Variants in SGCD observed in about 807,000 individuals in gnomAD.
SGCD encodes delta-sarcoglycan.
SGCD carries 18 observed loss-of-function variants against 36.6 expected under a neutral mutation model. That is an observed-to-expected ratio of 0.49 (90% CI 0.34 to 0.73). SGCD has a LOEUF of 0.73. Ranked by LOEUF, SGCD falls within the 30% of genes least tolerant of loss-of-function variation. The pLI, the probability that SGCD is intolerant of heterozygous loss-of-function variation, is 0.01. For synonymous variants in SGCD, 133 were observed against 130.6 expected (o/e 1.02, Z -0.12); for missense variants, 387 against 346.7 (o/e 1.12, Z -0.92).
intron 3 of SGCD, among the ~76,000 whole-genome samples, chr5:156,503,607 G>A (rs1236599262): frequency 1.3e-5 from 2 of 152,154 alleles, no homozygotes; most frequent in Admixed American, 6.6e-5. Context: ...CGAATGTAAA[G>A]TCTGAATTGG....
intron 3 of SGCD, among the ~76,000 whole-genome samples, chr5:156,168,101 T>C (rs1763255623): frequency 6.6e-6 from 1 of 152,238 alleles, no homozygotes; most frequent in African/African-American, 2.4e-5. Flanking sequence ...ACTTCAACCA[T>C]TTAACAGAGT....
chr5:156,527,932 G>T (rs375073189), intron 4 of SGCD, among the ~76,000 whole-genome samples: 1 of 152,158 alleles, frequency 6.6e-6, no homozygotes, highest in African/African-American at 2.4e-5. Context: ...CCATTTTCTC[G>T]TGAAGACCTT....
chr5:156,053,840 A>G lies in SGCD; in HGVS notation c.-281-64038A>G, dbSNP rs1193950410. The stretch of plus-strand genomic sequence containing the variant: ...CAAAGTTCAAAATCAAGATGCTGGC[A>G]GATTCAATATCTGGTGAGTGCCATT... On this transcript the variant is annotated intron_variant, in intron 1 of 9. Transcript: ENST00000517913. Among the ~76,000 whole-genome samples the G allele has an allele frequency of 3.4e-5, 5 of 146,566 alleles. 1 individual carries two copies. Among genetic ancestry groups the G allele is most frequent in the Non-Finnish European group, 7.7e-5 (5 of 64,974 alleles).
intron 2 of SGCD, among the ~76,000 whole-genome samples, chr5:156,336,576 TAA>T (rs1768365372): frequency 6.6e-6 from 1 of 152,250 alleles, no homozygotes; most frequent in African/African-American, 2.4e-5. Flanking sequence ...TCAGTTATGT[TAA>T]GTGGACCAAG....
intron 3 of SGCD, among the ~76,000 whole-genome samples, chr5:156,262,272 T>C (rs1181694084): frequency 3.9e-5 from 6 of 152,136 alleles, no homozygotes; most frequent in African/African-American, 1.4e-4. Context: ...ACTGTATTTT[T>C]ACTGTACACT....
intron 7 of SGCD, among the ~76,000 whole-genome samples, chr5:156,750,410 G>A (rs879826250): frequency 3.3e-5 from 5 of 152,036 alleles, no homozygotes; most frequent in African/African-American, 7.2e-5. Flanking sequence ...TGACAGTCGC[G>A]CGCAGTGGCT....
At chr5:156,227,180 T>A (rs748614478) in intron 3 of SGCD, among the ~76,000 whole-genome samples, 19 of 152,158 alleles carry the variant, frequency 1.2e-4, no homozygotes, top group Non-Finnish European at 1.9e-4. Context: ...CCTAAGCCTA[T>A]CTCTAGAAGG....
chr5:156,573,917 T>A (rs1759822854), intron 4 of SGCD, among the ~76,000 whole-genome samples: 1 of 152,058 alleles, frequency 6.6e-6, no homozygotes, highest in Non-Finnish European at 1.5e-5. Context: ...GGTCTCAAAC[T>A]CCTAGCCTCA....
intron 7 of SGCD, among the ~76,000 whole-genome samples, chr5:156,684,419 G>T (rs116774256): frequency 6.6e-6 from 1 of 152,144 alleles, no homozygotes; most frequent in Admixed American, 6.5e-5. Context: ...GCTCCTCTGC[G>T]CTATAGATTC....
intron 5 of SGCD, among the ~76,000 whole-genome samples, chr5:156,593,940 T>A (rs1760825774): frequency 6.6e-6 from 1 of 152,218 alleles, no homozygotes; most frequent in Non-Finnish European, 1.5e-5. Flanking sequence ...TTTTTTTCTG[T>A]AGGAACTTCT....
intron 3 of SGCD, among the ~76,000 whole-genome samples, chr5:156,443,718 T>C (rs997417632): frequency 6.6e-6 from 1 of 151,760 alleles, no homozygotes; most frequent in African/African-American, 2.4e-5. Flanking sequence ...GTCATGAACT[T>C]CTCTGGGATT....
At chr5:156,053,013 C>T (rs546051783) in intron 1 of SGCD, among the ~76,000 whole-genome samples, 3 of 146,276 alleles carry the variant, frequency 2.1e-5, no homozygotes, top group East Asian at 1.9e-4. Context: ...TCCACTGCCT[C>T]GTCCACAGCA....
At chr5:155,823,641 T>C in the SGCD span, among the ~76,000 whole-genome samples, 1 of 152,156 alleles carries the variant, frequency 6.6e-6, no homozygotes, top group Non-Finnish European at 1.5e-5. Context: ...TGCATTAGCA[T>C]AGGGTTCTGG....
chr5:156,055,012 G>A lies in SGCD; in HGVS notation c.-281-62866G>A, dbSNP rs149505661. Among the ~76,000 whole-genome samples the A allele has an allele frequency of 8.2e-3, 1,198 of 146,172 alleles. 170 individuals carry two copies. The highest frequency in any genetic ancestry group is 0.054 in the Middle Eastern group (15 of 278). On this transcript the variant is annotated intron_variant, in intron 1 of 9. Coordinates refer to the SGCD transcript ENST00000517913. Reference sequence around the variant, plus strand: ...AAGGAAGCTGTTTTAAGCCCACCCTGTCCCTGTTGTGTGTGACAGGGAGCC... The same window carrying A: ...AAGGAAGCTGTTTTAAGCCCACCCTATCCCTGTTGTGTGTGACAGGGAGCC...
chr5:156,484,803 A>G (rs933414712), intron 3 of SGCD, among the ~76,000 whole-genome samples: 5 of 152,322 alleles, frequency 3.3e-5, no homozygotes. Context: ...AATGAATAAC[A>G]CATGGCCATT....
the SGCD span, among the ~76,000 whole-genome samples, chr5:155,820,358 A>G: frequency 2.0e-5 from 3 of 152,148 alleles, no homozygotes; most frequent in Non-Finnish European, 2.9e-5. Context: ...CAGGTGATCA[A>G]TTAAAATACT....
chr5:156,299,948 G>A (rs1273970007), intron 3 of SGCD, among the ~76,000 whole-genome samples: 1 of 151,962 alleles, frequency 6.6e-6, no homozygotes, highest in African/African-American at 2.4e-5. Flanking sequence ...GGTTGCTCTA[G>A]CTAGGACTTC....
At chr5:156,374,163 A>C (rs76097869) in intron 3 of SGCD, among the ~76,000 whole-genome samples, 1 of 147,480 alleles carries the variant, frequency 6.8e-6, no homozygotes, top group East Asian at 2.0e-4. Context: ...AAAAAAAAAA[A>C]TGCATGGCAA....
At chr5:155,832,538 C>A in the SGCD span, among the ~76,000 whole-genome samples, 2 of 152,130 alleles carry the variant, frequency 1.3e-5, no homozygotes, top group African/African-American at 4.8e-5. Flanking sequence ...TCTCTGTATA[C>A]CAAGCCCCAT....
Sources: allele counts gnomAD v4.1 joint callset (sites outside exome capture counted in the v4.1 genomes callset), GRCh38; gene constraint gnomAD v4.1.1; transcripts MANE v1.5; gene names NCBI Gene and HGNC (gene_info 2026-07-23, HGNC 2026-07-21).